The following BCAR3 variants were observed in gnomAD, a reference collection of about 807,000 sequenced individuals.
The protein encoded by BCAR3 is breast cancer anti-estrogen resistance protein 3.
Under a neutral mutation model 80.1 loss-of-function variants are expected in BCAR3, and 37 were observed. The observed-to-expected ratio is 0.46, with a 90% confidence interval of 0.36 to 0.61. The LOEUF (loss-of-function observed/expected upper bound fraction) is 0.61. Ranked by LOEUF, BCAR3 falls within the 20% of genes least tolerant of loss-of-function variation. The pLI is 0.00. For missense variants in BCAR3, 978 were observed against 1,068.2 expected (o/e 0.92, Z 1.18); for synonymous variants, 389 against 418.9 (o/e 0.93, Z 0.87).
chr1:93,805,667 A>G (rs1464134181), intron 2 of BCAR3, among the ~76,000 whole-genome samples: 2 of 152,228 alleles, frequency 1.3e-5, no homozygotes, highest in Non-Finnish European at 2.9e-5. Flanking sequence ...AAGATTTTCT[A>G]TCAGCCTCCT....
intron 2 of BCAR3, chr1:93,753,428 CCT>C (rs1451119406): frequency 6.6e-6 from 1 of 152,188 alleles, no homozygotes; most frequent in Non-Finnish European, 1.5e-5. Flanking sequence ...GACACATCAA[CCT>C]CTCTCTCCTC....
At chr1:93,719,348 T>TTG (rs1382040741) in intron 2 of BCAR3, among the ~76,000 whole-genome samples, 1 of 136,962 alleles carries the variant, frequency 7.3e-6, no homozygotes, top group Non-Finnish European at 1.6e-5. Context: ...TTTTTTTTTT[T>TTG]TTTTTTTTTT....
chr1:93,767,963 A>G (rs969470378), intron 2 of BCAR3, among the ~76,000 whole-genome samples: 3 of 146,016 alleles, frequency 2.1e-5, no homozygotes, highest in Admixed American at 2.0e-4. Context: ...AGTGGAAAAC[A>G]TCATCTATCA....
intron 3 of BCAR3, among the ~76,000 whole-genome samples, chr1:93,606,827 A>C (rs1043778715): frequency 1.3e-5 from 2 of 152,232 alleles, no homozygotes; most frequent in Non-Finnish European, 2.9e-5. Context: ...CAGGAAGGAC[A>C]CAGGAGAACA....
At chr1:93,730,843 T>C (rs1193781574) in intron 2 of BCAR3, among the ~76,000 whole-genome samples, 2 of 152,212 alleles carry the variant, frequency 1.3e-5, no homozygotes, top group Non-Finnish European at 1.5e-5. Context: ...TGTGGCTTGC[T>C]TCAGAGAGTA....
At chr1:93,775,015 T>C (rs567078195) in intron 2 of BCAR3, among the ~76,000 whole-genome samples, 11 of 152,342 alleles carry the variant, frequency 7.2e-5, no homozygotes, top group African/African-American at 2.4e-4. Context: ...AAAATCTTAC[T>C]CTGGTTACCC....
chr1:93,673,191 T>C (rs1233834438), intron 2 of BCAR3, among the ~76,000 whole-genome samples: 4 of 152,242 alleles, frequency 2.6e-5, no homozygotes, highest in Admixed American at 1.3e-4. Context: ...TGGTATAATC[T>C]GCAGTTGTCT....
intron 3 of BCAR3, among the ~76,000 whole-genome samples, chr1:93,622,975 C>T (rs936214591): frequency 1.3e-5 from 2 of 152,108 alleles, no homozygotes; most frequent in South Asian, 4.2e-4. Context: ...CCAGGACTCC[C>T]GGTTGGGTCA....
At chr1:93,837,650 C>G (rs1654817162) in intron 2 of BCAR3, among the ~76,000 whole-genome samples, 1 of 152,214 alleles carries the variant, frequency 6.6e-6, no homozygotes, top group South Asian at 2.1e-4. Flanking sequence ...GATTCCTAGC[C>G]AATCAGGCTC....
chr1:93,652,086 C>T lies in BCAR3; in HGVS notation c.318-9743G>A, dbSNP rs530330140. Among the ~76,000 whole-genome samples the T allele has an allele frequency of 1.8e-4, 27 of 152,214 alleles. 1 individual carries two copies. In the South Asian group the frequency reaches 5.2e-3, roughly 29 times the overall value. ...TCTTCATCTAAAACGCCTTGAGAGCCGAGAAAAGGATAAGACTAAAGTTCC... is the reference window on the plus strand; with the variant it reads ...TCTTCATCTAAAACGCCTTGAGAGCTGAGAAAAGGATAAGACTAAAGTTCC... On this transcript the variant is annotated intron_variant, in intron 2 of 11. Coordinates refer to ENST00000260502, the MANE Select transcript of BCAR3 (RefSeq NM_003567.4).
At chr1:93,642,697 C>T (rs236265) in intron 2 of BCAR3, among the ~76,000 whole-genome samples, 2,057 of 152,324 alleles carry the variant, frequency 0.014, 46 homozygotes, top group African/African-American at 0.045. Context: ...GTGGCACTTT[C>T]GGTCACTGGT....
chr1:93,705,315 T>C (rs910598780), intron 3 of BCAR3, among the ~76,000 whole-genome samples: 1 of 152,162 alleles, frequency 6.6e-6, no homozygotes, highest in African/African-American at 2.4e-5. Flanking sequence ...ACTTTGAATG[T>C]AGGGTGTATG....
chr1:93,758,986 C>G (rs1651839511), intron 2 of BCAR3, among the ~76,000 whole-genome samples: 1 of 152,176 alleles, frequency 6.6e-6, no homozygotes, highest in South Asian at 2.1e-4. Flanking sequence ...CAAGAGCATT[C>G]AGTGTATAAC....
chr1:93,711,688 G>A (rs964911133), intron 2 of BCAR3, among the ~76,000 whole-genome samples: 29 of 152,312 alleles, frequency 1.9e-4, no homozygotes, highest in Non-Finnish European at 3.8e-4. Context: ...GCCTAGTACA[G>A]TACCTGGCAC....
Position 93,582,720 on chromosome 1 carries a change from G to A in BCAR3, c.1267C>T (p.Leu423Phe), listed in dbSNP as rs1239630194. The change falls in exon 7 of 12, where the codon CTC becomes TTC. Residue 423 changes from leucine to phenylalanine, a missense_variant. Coordinates refer to ENST00000260502, the MANE Select transcript of BCAR3 (RefSeq NM_003567.4). The stretch of plus-strand genomic sequence containing the variant: ...TCACAGTAGTTGGCCTCTGAGTTGA[G>A]CCAGGCAGAGGGAGACGAGGGAACC... The part of the protein sequence containing the change: ...LKVPSSPSAW[L>F]NSEANYCELN... 11 of 1,614,120 alleles carry A rather than the reference G, an allele frequency of 6.8e-6. No homozygotes were observed. The highest frequency in any genetic ancestry group is 7.6e-6 in the Non-Finnish European group (9 of 1,180,010).
chr1:93,636,010 T>C (rs562945350), intron 3 of BCAR3, among the ~76,000 whole-genome samples: 31 of 152,334 alleles, frequency 2.0e-4, no homozygotes, highest in African/African-American at 7.5e-4. Flanking sequence ...AGGGCACTTA[T>C]TCTTGGCATT....
At chr1:93,665,622 C>T (rs952109229) in intron 2 of BCAR3, among the ~76,000 whole-genome samples, 1 of 152,158 alleles carries the variant, frequency 6.6e-6, no homozygotes, top group Non-Finnish European at 1.5e-5. Flanking sequence ...AATTTCACTT[C>T]TGTGCAGACT....
chr1:93,649,738 G>A (rs1220231185), intron 2 of BCAR3, among the ~76,000 whole-genome samples: 3 of 151,694 alleles, frequency 2.0e-5, no homozygotes, highest in Non-Finnish European at 4.4e-5. Flanking sequence ...CAGATCTAAC[G>A]AATGCTATAA....
At position 93,571,711 on chromosome 1, in the gene BCAR3, A is replaced by C; in HGVS notation, c.1933T>G (p.Tyr645Asp). The C allele has an allele frequency of 6.2e-7, 1 of 1,614,204 alleles. No individual in the cohort carries two copies. Among genetic ancestry groups the C allele is most frequent in the Non-Finnish European group, 8.5e-7 (1 of 1,180,036 alleles). Residue 645 changes from tyrosine to aspartate, a missense_variant, in exon 9 of 12, where the codon TAT (tyrosine) becomes GAT (aspartate). Coordinates refer to ENST00000260502, the MANE Select transcript of BCAR3 (RefSeq NM_003567.4). ...GCTTTCATGAGAGCTGAGAAGGAATAGAGGTCCCCCATGGAATCCTTCAGT... is the reference window on the plus strand; with the variant it reads ...GCTTTCATGAGAGCTGAGAAGGAATCGAGGTCCCCCATGGAATCCTTCAGT... ...VELKDSMGDLYSFSALMKALE... is the reference protein window; with the variant it reads ...VELKDSMGDLDSFSALMKALE...
Sources: gnomAD v4.1 joint callset for allele counts (sites outside exome capture counted in the v4.1 genomes callset) on GRCh38, gnomAD v4.1.1 for gene constraint, MANE v1.5 for transcripts, NCBI Gene and HGNC (gene_info 2026-07-23, HGNC 2026-07-21) for gene names.